RFX3: variants seen among roughly 807,000 people sequenced by gnomAD.
RFX3 encodes the protein regulatory factor X3.
In RFX3, 14 loss-of-function variants were observed where a neutral mutation model predicts 98.6. The observed-to-expected ratio is 0.14, with a 90% CI of 0.09 to 0.22. The LOEUF is 0.22. RFX3 is among the 10% of genes least tolerant of loss of function. The pLI, the probability that RFX3 is intolerant of heterozygous loss-of-function variation, is 1.00. For synonymous variants in RFX3, 383 were observed against 328.4 expected (o/e 1.17, Z -1.80); for missense variants, 639 against 926.9 (o/e 0.69, Z 4.03).
chr9:3,344,830 G>T, intron 3 of RFX3: 1 of 715,112 alleles, frequency 1.4e-6, no homozygotes. Flanking sequence ...GCCAACAGTA[G>T]TTTAAGTTTA....
At chr9:3,504,827 A>T (rs1366298636) in intron 1 of RFX3, among the ~76,000 whole-genome samples, 2 of 90,844 alleles carry the variant, frequency 2.2e-5, no homozygotes, top group South Asian at 6.2e-4. Context: ...ATTATATATA[A>T]AATATGTATA....
chr9:3,459,155 C>G (rs145628017), intron 1 of RFX3, among the ~76,000 whole-genome samples: 55 of 152,220 alleles, frequency 3.6e-4, no homozygotes, highest in African/African-American at 1.3e-3. Context: ...TCTTGCATTA[C>G]ACCAAGAACT....
In RFX3 at chr9:3,432,883, TA is replaced by T. The variant is rs1380310571; in HGVS notation, c.-8-37288del. On this transcript the variant is annotated intron_variant, in intron 1 of 16. Coordinates refer to ENST00000617270, the MANE Select transcript of RFX3 (RefSeq NM_001282116.2). ...AACAGTGGAAGAAGGGTTGGTACTGTAAAGAAACATTTTTAGAGAAAAGATA... is the reference window on the plus strand; with the variant it reads ...AACAGTGGAAGAAGGGTTGGTACTGTAAGAAACATTTTTAGAGAAAAGATA... Among the ~76,000 whole-genome samples, 3 of 152,124 alleles carry T rather than the reference TA, an allele frequency of 2.0e-5. No homozygotes were observed. The East Asian group carries it at 5.8e-4, about 29-fold the overall frequency.
chr9:3,291,995 T>G (rs1827420702), intron 6 of RFX3, among the ~76,000 whole-genome samples: 1 of 131,400 alleles, frequency 7.6e-6, no homozygotes, highest in African/African-American at 2.9e-5. Context: ...AGGCAGAGGT[T>G]GCAGTGAGCT....
chr9:3,375,645 G>A (rs1054767640), intron 2 of RFX3, among the ~76,000 whole-genome samples: 2 of 152,146 alleles, frequency 1.3e-5, no homozygotes, highest in Admixed American at 6.5e-5. Context: ...CTATGTGAGT[G>A]TATTATAGAA....
chr9:3,348,553 A>G (rs1234341020), intron 2 of RFX3, among the ~76,000 whole-genome samples: 1 of 151,870 alleles, frequency 6.6e-6, no homozygotes, highest in East Asian at 1.9e-4. Context: ...CCTTCTATAA[A>G]GAATAAATTC....
chr9:3,387,807 A>C (rs575472750), intron 2 of RFX3, among the ~76,000 whole-genome samples: 8 of 152,234 alleles, frequency 5.3e-5, no homozygotes, highest in Admixed American at 5.2e-4. Context: ...TCAGCTGATT[A>C]TATGAAATAA....
At chr9:3,296,352 G>T (rs528712591) in intron 5 of RFX3, among the ~76,000 whole-genome samples, 2 of 151,928 alleles carry the variant, frequency 1.3e-5, no homozygotes, top group African/African-American at 4.8e-5. Flanking sequence ...TATCCCAATT[G>T]AATAATTTAC....
chr9:3,387,019 C>A (rs1171525851), intron 2 of RFX3, among the ~76,000 whole-genome samples: 1 of 152,170 alleles, frequency 6.6e-6, no homozygotes, highest in African/African-American at 2.4e-5. Context: ...CAGTCACCTT[C>A]ACAGATTGCC....
In RFX3 at chr9:3,429,608, C is replaced by T. The variant is rs146544448; in HGVS notation, c.-8-34012G>A. On this transcript the variant is annotated intron_variant, in intron 1 of 16. Coordinates refer to ENST00000617270, the MANE Select transcript of RFX3 (RefSeq NM_001282116.2). ...TTTTCCCTCTAGGCTCCTGGAGGTG[C>T]TAATCTCATCCTAACCCATTTCCGT... Among the ~76,000 whole-genome samples, 62 of 152,186 alleles carry T rather than the reference C, an allele frequency of 4.1e-4. No homozygotes were observed. In the East Asian group the frequency reaches 0.011, roughly 28 times the overall value.
intron 3 of RFX3, among the ~76,000 whole-genome samples, chr9:3,345,456 G>T (rs533336285): frequency 5.3e-5 from 8 of 152,166 alleles, no homozygotes; most frequent in African/African-American, 1.7e-4. Context: ...TAGTGATGTG[G>T]GTAGATTCAG....
chr9:3,300,344 T>A (rs1828499226), intron 5 of RFX3, among the ~76,000 whole-genome samples: 1 of 151,796 alleles, frequency 6.6e-6, no homozygotes, highest in South Asian at 2.1e-4. Context: ...ATTCTCCAAG[T>A]TGGCTAACCT....
At chr9:3,300,398 A>G (rs1286655341) in intron 5 of RFX3, among the ~76,000 whole-genome samples, 1 of 151,806 alleles carries the variant, frequency 6.6e-6, no homozygotes, top group Non-Finnish European at 1.5e-5. Flanking sequence ...AAGAAACAAG[A>G]CAAAATACCC....
intron 1 of RFX3, among the ~76,000 whole-genome samples, chr9:3,436,449 AT>A (rs1845130452): frequency 6.6e-6 from 1 of 152,138 alleles, no homozygotes; most frequent in South Asian, 2.1e-4. Flanking sequence ...AGGTATGATT[AT>A]AAAAGCATTA....
chr9:3,513,539 T>C (rs149333268), intron 1 of RFX3, among the ~76,000 whole-genome samples: 8 of 152,328 alleles, frequency 5.3e-5, no homozygotes, highest in Non-Finnish European at 1.2e-4. Context: ...CCAGATAATG[T>C]ACATTTGGGA....
At chr9:3,468,149 A>C (rs1447264624) in intron 1 of RFX3, among the ~76,000 whole-genome samples, 3 of 152,188 alleles carry the variant, frequency 2.0e-5, no homozygotes, top group African/African-American at 7.2e-5. Flanking sequence ...GGCCTTCAAA[A>C]TCTTTATTTG....
chr9:3,495,057 A>C (rs1033323287), intron 1 of RFX3, among the ~76,000 whole-genome samples: 1 of 151,966 alleles, frequency 6.6e-6, no homozygotes, highest in Non-Finnish European at 1.5e-5. Flanking sequence ...CCCTGAAAAG[A>C]AAGTCCACAC....
At chr9:3,342,689 T>C (rs1834024768) in intron 3 of RFX3, among the ~76,000 whole-genome samples, 1 of 152,142 alleles carries the variant, frequency 6.6e-6, no homozygotes, top group Non-Finnish European at 1.5e-5. Flanking sequence ...ACTTCTTAGC[T>C]ACACCAAGAA....
At chr9:3,332,432 T>C (rs781054185) in intron 3 of RFX3, among the ~76,000 whole-genome samples, 4 of 152,200 alleles carry the variant, frequency 2.6e-5, no homozygotes, top group African/African-American at 7.2e-5. Context: ...CACTATCTTA[T>C]GTTGCTGCTC....
Sources: gnomAD v4.1 joint callset for allele counts (sites outside exome capture counted in the v4.1 genomes callset) on GRCh38, gnomAD v4.1.1 for gene constraint, MANE v1.5 for transcripts, NCBI Gene and HGNC (gene_info 2026-07-23, HGNC 2026-07-21) for gene names.